The following PCDH15 variants were observed in gnomAD, a reference collection of about 807,000 sequenced individuals.
PCDH15 encodes the protein protocadherin-15.
A neutral mutation model predicts 178.5 loss-of-function variants in PCDH15; 129 were observed. The observed-to-expected ratio is 0.72, with a 90% CI of 0.63 to 0.84. The LOEUF (loss-of-function observed/expected upper bound fraction) is 0.84, where lower values mean the gene tolerates loss of function less well. Ranked by LOEUF, PCDH15 falls within the 40% of genes least tolerant of loss-of-function variation. The pLI is 0.00. For synonymous variants in PCDH15, 800 were observed against 732.0 expected (o/e 1.09, Z -1.50); for missense variants, 2,230 against 2,099.9 (o/e 1.06, Z -1.21).
At chr10:54,962,106 T>C (rs140364038) in intron 2 of PCDH15, among the ~76,000 whole-genome samples, 57 of 152,350 alleles carry the variant, frequency 3.7e-4, no homozygotes, top group African/African-American at 1.2e-3. Flanking sequence ...GAATTTGGGA[T>C]CCACTGAATG....
chr10:55,444,472 G>A (rs1278061426), intron 2 of PCDH15, among the ~76,000 whole-genome samples: 1 of 151,708 alleles, frequency 6.6e-6, no homozygotes, highest in Non-Finnish European at 1.5e-5. Context: ...TTAGGAAATT[G>A]GAAAATAAAT....
intron 25 of PCDH15, among the ~76,000 whole-genome samples, chr10:53,908,354 TA>T (rs931401463): frequency 6.6e-6 from 1 of 152,198 alleles, no homozygotes; most frequent in African/African-American, 2.4e-5. Context: ...TGAGTTAAGA[TA>T]AAATGGAAAG....
intron 2 of PCDH15, among the ~76,000 whole-genome samples, chr10:54,989,739 G>T (rs1564694117): frequency 6.6e-6 from 1 of 152,164 alleles, no homozygotes; most frequent in African/African-American, 2.4e-5. Context: ...AACTTTGGGG[G>T]AATGTTGGGA....
At chr10:55,388,712 TA>T (rs1301802920) in intron 2 of PCDH15, among the ~76,000 whole-genome samples, 7 of 152,034 alleles carry the variant, frequency 4.6e-5, no homozygotes, top group African/African-American at 1.7e-4. Context: ...ACTAAAAAAT[TA>T]AAGAAATGGA....
In PCDH15 at chr10:54,641,125, T is replaced by C. The variant is rs759923705; in HGVS notation, c.91+23047A>G. 8 of 236,854 alleles carry C rather than the reference T, an allele frequency of 3.4e-5. 2 individuals are homozygous for C. Among genetic ancestry groups the C allele is most frequent in the South Asian group, 3.3e-4 (8 of 24,100 alleles). 14.7% of individuals were successfully genotyped at this position (236,854 alleles called of 1,614,324 possible). Reference sequence around the variant, plus strand: ...CTCAACAAAATGAATATAATAAAAATTAAAATTTTTTTAAAAGTACAAACA... The same window carrying C: ...CTCAACAAAATGAATATAATAAAAACTAAAATTTTTTTAAAAGTACAAACA... On this transcript the variant is annotated intron_variant, in intron 2 of 37. Coordinates refer to ENST00000644397, the MANE Select transcript of PCDH15 (RefSeq NM_001384140.1).
intron 8 of PCDH15, among the ~76,000 whole-genome samples, chr10:54,269,050 T>C (rs2057882017): frequency 1.3e-5 from 2 of 151,926 alleles, no homozygotes; most frequent in African/African-American, 4.8e-5. Flanking sequence ...TAATTTTTCT[T>C]ATACAAGCAA....
intron 3 of PCDH15, among the ~76,000 whole-genome samples, chr10:54,487,800 GT>G (rs1206833759): frequency 1.3e-4 from 20 of 151,852 alleles, no homozygotes; most frequent in Admixed American, 1.3e-3. Context: ...AAATAATATG[GT>G]TTTGTAGGCT....
chr10:55,598,553 T>TAG (rs1468710735), intron 2 of PCDH15, among the ~76,000 whole-genome samples: 16 of 91,722 alleles, frequency 1.7e-4, no homozygotes, highest in African/African-American at 5.9e-4. Flanking sequence ...TATATATATA[T>TAG]ATATATATAT....
intron 1 of PCDH15, among the ~76,000 whole-genome samples, chr10:54,713,622 C>A (rs1275858955): frequency 2.0e-5 from 3 of 151,948 alleles, no homozygotes; most frequent in African/African-American, 4.8e-5. Flanking sequence ...AGTGTCTGGG[C>A]AAATAATCAA....
At chr10:54,571,627 A>C (rs1930151) in intron 2 of PCDH15, among the ~76,000 whole-genome samples, 142,391 of 152,128 alleles carry the variant, frequency 0.94, 66,920 homozygotes, top group Middle Eastern at 0.98. Context: ...AAAAAATGAA[A>C]ACCCTGAAAA....
At chr10:54,083,777 CTA>C (rs2094472238) in intron 16 of PCDH15, among the ~76,000 whole-genome samples, 1 of 152,116 alleles carries the variant, frequency 6.6e-6, no homozygotes, top group Non-Finnish European at 1.5e-5. Context: ...TAATTTTGTG[CTA>C]TGTGAATTTT....
At chr10:54,104,845 C>CAAAAAAAA (rs56195842) in intron 15 of PCDH15, among the ~76,000 whole-genome samples, 64 of 48,598 alleles carry the variant, frequency 1.3e-3, no homozygotes, top group South Asian at 3.0e-3. Flanking sequence ...TCAACAACAA[C>CAAAAAAAA]AAAAAAAAAA....
At chr10:54,332,283 TA>T (rs1939839976) in intron 6 of PCDH15, among the ~76,000 whole-genome samples, 1 of 113,688 alleles carries the variant, frequency 8.8e-6, no homozygotes, top group Non-Finnish European at 1.8e-5. Context: ...TATAATATAA[TA>T]TAATCTATAT....
intron 1 of PCDH15, among the ~76,000 whole-genome samples, chr10:54,709,627 T>TATATATATATAA (rs1491235711): frequency 4.2e-5 from 6 of 141,846 alleles, no homozygotes; most frequent in Non-Finnish European, 6.1e-5. Context: ...TATATATATA[T>TATATATATATAA]AAAATCACTT....
rs1839758971 is a variant in PCDH15, at chr10:55,463,974, A to AAAGG, written c.-156+163650_-156+163651insCCTT. 3.4e-4 allele frequency among the ~76,000 whole-genome samples: 6 copies of AAAGG among 17,548 alleles called. 2 individuals are homozygous for AAAGG. The highest frequency in any genetic ancestry group is 2.1e-3 in the Admixed American group (3 of 1,434). The allele number at this position is 17,548 out of a possible 152,430, so 11.5% of individuals were successfully genotyped here. On this transcript the variant is annotated intron_variant, in intron 2 of 5. Transcript: ENST00000613346. The stretch of plus-strand genomic sequence containing the variant: ...GAAAGAAAGAAAGAAAGAAAGAAAG[A>AAAGG]GAAAGAAAGAAAGAAAGAGAAAGAA...
intron 2 of PCDH15, among the ~76,000 whole-genome samples, chr10:54,997,676 G>A (rs1839681814): frequency 6.6e-6 from 1 of 152,104 alleles, no homozygotes; most frequent in Non-Finnish European, 1.5e-5. Flanking sequence ...AATAATCCAT[G>A]TATTTAACTT....
chr10:54,496,577 A>G (rs1328469968), intron 3 of PCDH15, among the ~76,000 whole-genome samples: 2 of 152,126 alleles, frequency 1.3e-5, no homozygotes, highest in Middle Eastern at 3.2e-3. Context: ...TGATAAAGCT[A>G]CCATCTCTGA....
intron 1 of PCDH15, among the ~76,000 whole-genome samples, chr10:54,723,669 G>C (rs892525262): frequency 1.3e-5 from 2 of 151,442 alleles, no homozygotes; most frequent in South Asian, 2.1e-4. Context: ...CTAATATCCA[G>C]AATCTACAAG....
chr10:54,634,093 A>T (rs2093777635), intron 2 of PCDH15, among the ~76,000 whole-genome samples: 1 of 152,136 alleles, frequency 6.6e-6, no homozygotes, highest in Non-Finnish European at 1.5e-5. Context: ...TTAAACTCTG[A>T]AAAACTTGTA....
Sources: gnomAD v4.1 joint callset for allele counts (sites outside exome capture counted in the v4.1 genomes callset) on GRCh38, gnomAD v4.1.1 for gene constraint, MANE v1.5 for transcripts, NCBI Gene and HGNC (gene_info 2026-07-23, HGNC 2026-07-21) for gene names.